Variants in KMT2E observed in about 807,000 individuals in gnomAD.
KMT2E encodes the protein histone reader KMT2E.
KMT2E carries 30 observed loss-of-function variants against 184.6 expected under a neutral mutation model. That is an observed-to-expected ratio of 0.16 (90% CI 0.12 to 0.22). The LOEUF is 0.22. KMT2E is among the 10% of genes least tolerant of loss of function. The pLI is 1.00. For synonymous variants in KMT2E, 815 were observed against 776.5 expected, an observed-to-expected ratio of 1.05 and a Z score of -0.82; for missense variants, 2,023 against 2,237.4, an observed-to-expected ratio of 0.90 and a Z score of 1.93.
intron 12 of KMT2E, among the ~76,000 whole-genome samples, chr7:105,079,283 C>T (rs1797658264): frequency 6.6e-6 from 1 of 151,262 alleles, no homozygotes; most frequent in Admixed American, 6.6e-5. Flanking sequence ...TACAGGCACG[C>T]ACCACCATGC....
chr7:105,091,454 C>T, intron 15 of KMT2E, 140 bp downstream of exon 15: 1 of 667,310 alleles, frequency 1.5e-6, no homozygotes, highest in South Asian at 1.7e-5. Context: ...TTGGTTTGGT[C>T]ATTGCCATTT....
chr7:105,032,070 T>C (rs1393963335), intron 1 of KMT2E, among the ~76,000 whole-genome samples: 1 of 51,474 alleles, frequency 1.9e-5, no homozygotes. Flanking sequence ...AAGACTCTTA[T>C]CACAAAAAAA....
intron 23 of KMT2E, among the ~76,000 whole-genome samples, chr7:105,110,001 T>G (rs977745496): frequency 6.6e-6 from 1 of 151,894 alleles, no homozygotes; most frequent in African/African-American, 2.4e-5. Flanking sequence ...TGGCTAATTT[T>G]TTTTTGTATT....
chr7:105,070,917 G>A lies in KMT2E; in HGVS notation c.498-2702G>A, dbSNP rs181335995. 5.0e-3 allele frequency among the ~76,000 whole-genome samples: 768 copies of A among 152,230 alleles called. 10 individuals are homozygous for A. Among genetic ancestry groups the A allele is most frequent in the Middle Eastern group, 0.031 (9 of 294 alleles). ...CTAAACTCAAATATAAAGCAAGTTA[G>A]ACTTGAAGTCAAATATATAAAGGAA... On this transcript the variant is annotated intron_variant, in intron 6 of 26. Transcript: ENST00000311117.
chr7:105,030,094 G>A (rs1795343912), intron 1 of KMT2E, among the ~76,000 whole-genome samples: 1 of 152,104 alleles, frequency 6.6e-6, no homozygotes, highest in African/African-American at 2.4e-5. Flanking sequence ...TTTAGCAGCT[G>A]TTCTAGAACA....
intron 3 of KMT2E, among the ~76,000 whole-genome samples, chr7:105,045,037 T>C (rs1796041760): frequency 6.6e-6 from 1 of 152,254 alleles, no homozygotes; most frequent in African/African-American, 2.4e-5. Context: ...TTGTCAATTT[T>C]ATCTGTTCCT....
intron 1 of KMT2E, among the ~76,000 whole-genome samples, chr7:105,033,334 T>C (rs752222688): frequency 4.6e-5 from 7 of 152,238 alleles, no homozygotes; most frequent in Non-Finnish European, 8.8e-5. Context: ...TTTAATTTTG[T>C]GATAATTATA....
intron 6 of KMT2E, among the ~76,000 whole-genome samples, 188 bp from the exon 7 acceptor site, chr7:105,073,431 T>C (rs1797408270): frequency 6.7e-6 from 1 of 149,544 alleles, no homozygotes; most frequent in Non-Finnish European, 1.5e-5. Flanking sequence ...CAGAGTGAAA[T>C]GGAGTCATCT....
chr7:105,043,285 G>A (rs1338193657), intron 3 of KMT2E, among the ~76,000 whole-genome samples: 2 of 145,048 alleles, frequency 1.4e-5, no homozygotes, highest in African/African-American at 2.6e-5. Flanking sequence ...CGCCCAGGCT[G>A]GAGTGCAGTG....
chr7:105,020,445 C>G (rs1471635710), intron 1 of KMT2E, among the ~76,000 whole-genome samples: 1 of 152,024 alleles, frequency 6.6e-6, no homozygotes, highest in African/African-American at 2.4e-5. Context: ...ATTAGCTGGG[C>G]TTGGTGGCGG....
chr7:105,025,368 G>A (rs1327924159), intron 1 of KMT2E, among the ~76,000 whole-genome samples: 1 of 152,166 alleles, frequency 6.6e-6, no homozygotes, highest in African/African-American at 2.4e-5. Context: ...TAGAAGCTCT[G>A]TAGCCTTTTC....
At chr7:105,056,082 C>T (rs762624924) in intron 3 of KMT2E, among the ~76,000 whole-genome samples, 1 of 152,076 alleles carries the variant, frequency 6.6e-6, no homozygotes. Flanking sequence ...ACATTAAGCC[C>T]TCAATATTTG....
intron 1 of KMT2E, among the ~76,000 whole-genome samples, chr7:105,034,496 TGCTGAAATTACAGACGTGA>T (rs1246856752): frequency 2.0e-5 from 3 of 152,054 alleles, no homozygotes; most frequent in Admixed American, 2.0e-4. Flanking sequence ...CCTCCCAAAG[TGCTGAAATTACAGACGTGA>T]GCCAACACAC....
chr7:105,108,908 A>G, intron 22 of KMT2E, 34 bp from the exon 23 acceptor site: 3 of 1,545,548 alleles, frequency 1.9e-6, no homozygotes, highest in Non-Finnish European at 1.8e-6. Flanking sequence ...AACAAGAATA[A>G]AAGATTTGCT....
At chr7:105,057,839 CT>C (rs955199713) in intron 3 of KMT2E, among the ~76,000 whole-genome samples, 1 of 152,146 alleles carries the variant, frequency 6.6e-6, no homozygotes, top group African/African-American at 2.4e-5. Flanking sequence ...CAGTTGAGGA[CT>C]TTTTTGTTCT....
In KMT2E at chr7:105,076,105, T is replaced by G. The variant is rs774866247; in HGVS notation, c.768+24T>G. ...AGGTAAATACATTAATTTTAAGGTG[T>G]TGTTATCAACTGTCATTTATTCAGG... On this transcript the variant is annotated intron_variant, in intron 9 of 26. Coordinates refer to ENST00000311117, the MANE Select transcript of KMT2E (RefSeq NM_182931.3). The G allele has an allele frequency of 5.9e-6, 9 of 1,536,358 alleles. No individual in the cohort carries two copies. In the African/African-American group the frequency reaches 1.2e-4, roughly 21 times the overall value.
In KMT2E at chr7:105,037,552, A is replaced by G. The variant is rs928043452; in HGVS notation, c.-188-574A>G. ...TAGTTTTTGTATTTTTTGTAGGGATAATGTCTCACTATGTTGCCCAGGCTG... is the reference window on the plus strand; with the variant it reads ...TAGTTTTTGTATTTTTTGTAGGGATGATGTCTCACTATGTTGCCCAGGCTG... On this transcript the variant is annotated intron_variant, in intron 1 of 26. Coordinates refer to ENST00000311117, the MANE Select transcript of KMT2E (RefSeq NM_182931.3). Among the ~76,000 whole-genome samples, 20 of 151,994 alleles carry G rather than the reference A, an allele frequency of 1.3e-4. 1 individual carries two copies. The highest frequency in any genetic ancestry group is 1.2e-3 in the Admixed American group (19 of 15,242).
At chr7:105,023,743 C>A (rs563207599) in intron 1 of KMT2E, among the ~76,000 whole-genome samples, 2 of 152,230 alleles carry the variant, frequency 1.3e-5, no homozygotes, top group African/African-American at 4.8e-5. Context: ...CTGTGCCCGG[C>A]TCCGTTAAGC....
chr7:105,101,329 T>A (rs573642027), intron 15 of KMT2E, 96 bp from the exon 16 acceptor site: 1 of 812,014 alleles, frequency 1.2e-6, no homozygotes, highest in African/African-American at 1.8e-5. Context: ...GATAGTATCA[T>A]AGCAATTATT....
Sources: gnomAD v4.1 joint callset for allele counts (sites outside exome capture counted in the v4.1 genomes callset) on GRCh38, gnomAD v4.1.1 for gene constraint, MANE v1.5 for transcripts, NCBI Gene and HGNC (gene_info 2026-07-23, HGNC 2026-07-21) for gene names.